TPTE: variants seen among roughly 807,000 people sequenced by gnomAD.
The protein encoded by TPTE is putative tyrosine-protein phosphatase TPTE.
A neutral mutation model predicts 84.1 loss-of-function variants in TPTE; 59 were observed. The ratio of observed to expected loss-of-function variants is 0.70; its 90% CI spans 0.57 to 0.87. The LOEUF is 0.87. Among genes scored for constraint, TPTE ranks in the 40% least tolerant of loss-of-function variants. The probability of loss-of-function intolerance (pLI) is 0.00; values close to 1 mark genes in which losing one functional copy is unlikely to be tolerated. For synonymous variants in TPTE, 130 were observed against 223.5 expected (o/e 0.58, Z 3.73); for missense variants, 382 against 659.6 (o/e 0.58, Z 4.61).
intron 22 of TPTE, 137 bp from the exon 23 acceptor site, chr21:10,603,425 A>C: frequency 1.1e-6 from 1 of 874,734 alleles, no homozygotes; most frequent in Non-Finnish European, 1.7e-6. Flanking sequence ...GTATTGTTAT[A>C]GATTGCAGAG....
chr21:10,559,705 C>T (rs1425421834), intron 9 of TPTE, among the ~76,000 whole-genome samples, 161 bp downstream of exon 9: 1 of 152,284 alleles, frequency 6.6e-6, no homozygotes, highest in Non-Finnish European at 1.5e-5. Flanking sequence ...GAAACCCCAT[C>T]TCTACTAAAA....
At chr21:10,536,619 G>C (rs1464683235) in intron 3 of TPTE, among the ~76,000 whole-genome samples, 2 of 151,192 alleles carry the variant, frequency 1.3e-5, no homozygotes, top group African/African-American at 4.9e-5. Flanking sequence ...AATCGACAGA[G>C]AGAAAGATGA....
intron 17 of TPTE, among the ~76,000 whole-genome samples, chr21:10,586,263 A>G (rs1478050336): frequency 6.6e-6 from 1 of 150,472 alleles, no homozygotes; most frequent in South Asian, 2.1e-4. Context: ...TAGTGTTTTT[A>G]TTTTACTCAG....
At chr21:10,524,041 C>T (rs1174197732) in intron 1 of TPTE, among the ~76,000 whole-genome samples, 1 of 152,306 alleles carries the variant, frequency 6.6e-6, no homozygotes, top group Admixed American at 6.5e-5. Flanking sequence ...CAAGCTCGTT[C>T]TATTCCCCAT....
intron 18 of TPTE, among the ~76,000 whole-genome samples, chr21:10,591,581 G>T (rs1466665016): frequency 6.6e-6 from 1 of 152,310 alleles, no homozygotes; most frequent in Non-Finnish European, 1.5e-5. Flanking sequence ...AATGTGGATT[G>T]CAACTTAAAA....
chr21:10,525,254 C>T (rs1409362910), intron 2 of TPTE, among the ~76,000 whole-genome samples: 4 of 152,428 alleles, frequency 2.6e-5, no homozygotes, highest in African/African-American at 2.4e-5. Flanking sequence ...AATTATATGA[C>T]ATTTTAAGAT....
At chr21:10,542,665 A>T (rs2074392568) in intron 6 of TPTE, among the ~76,000 whole-genome samples, 1 of 152,310 alleles carries the variant, frequency 6.6e-6, no homozygotes. Flanking sequence ...CATGCACATG[A>T]TGGAAACATA....
At chr21:10,534,027 G>A (rs2074226068) in intron 3 of TPTE, among the ~76,000 whole-genome samples, 1 of 152,310 alleles carries the variant, frequency 6.6e-6, no homozygotes, top group Non-Finnish European at 1.5e-5. Context: ...ATTGACTGAA[G>A]CTCAGCTGCT....
chr21:10,547,946 C>T (rs1275183401), intron 7 of TPTE, among the ~76,000 whole-genome samples: 5 of 152,312 alleles, frequency 3.3e-5, no homozygotes, highest in Admixed American at 2.6e-4. Flanking sequence ...CTCTGAGCAG[C>T]TGATACACCC....
intron 3 of TPTE, among the ~76,000 whole-genome samples, chr21:10,533,853 G>T (rs1473134202): frequency 6.6e-6 from 1 of 152,312 alleles, no homozygotes; most frequent in East Asian, 1.9e-4. Context: ...TTCGTGAGTT[G>T]GGAAGCTTTT....
Position 10,605,688 on chromosome 21 carries a change from A to T in TPTE, c.*136A>T, listed in dbSNP as rs1979228472. On this transcript the variant is annotated 3_prime_UTR_variant, in exon 24 of 24. Transcript: ENST00000618007. ...TTATATATGTTTATATATGTTCTTC[A>T]TAAATCTATTACATATATATAGATA... 5 of 1,437,214 alleles carry T rather than the reference A, an allele frequency of 3.5e-6. No individual in the cohort carries two copies. The highest frequency in any genetic ancestry group is 4.6e-6 in the Non-Finnish European group (5 of 1,079,170). 89.0% of individuals were successfully genotyped at this position (1,437,214 alleles called of 1,614,324 possible). A position where few individuals can be genotyped will look rare whatever the true frequency, so the allele number is the denominator to read the frequency against.
chr21:10,599,400 G>A (rs2338975), intron 21 of TPTE, among the ~76,000 whole-genome samples: 586 of 150,680 alleles, frequency 3.9e-3, no homozygotes, highest in Non-Finnish European at 5.8e-3. Context: ...CTGAAATATT[G>A]CTCTCGTTGT....
At chr21:10,528,523 T>A (rs1168030326) in intron 3 of TPTE, among the ~76,000 whole-genome samples, 1 of 152,308 alleles carries the variant, frequency 6.6e-6, no homozygotes, top group Non-Finnish European at 1.5e-5. Context: ...CACCGCTCCA[T>A]GTGGCAAATC....
At chr21:10,547,813 A>T (rs1439507872) in intron 7 of TPTE, among the ~76,000 whole-genome samples, 2 of 152,306 alleles carry the variant, frequency 1.3e-5, no homozygotes, top group Non-Finnish European at 2.9e-5. Context: ...AGAGCAGGGA[A>T]ATCAACCCCC....
intron 17 of TPTE, among the ~76,000 whole-genome samples, chr21:10,585,161 C>T (rs1249180254): frequency 2.0e-5 from 3 of 152,218 alleles, no homozygotes; most frequent in African/African-American, 7.2e-5. Flanking sequence ...AACCAGGAGG[C>T]AGAGGTTCCA....
At chr21:10,598,398 T>C (rs371458586) in intron 21 of TPTE, among the ~76,000 whole-genome samples, 1 of 152,298 alleles carries the variant, frequency 6.6e-6, no homozygotes, top group African/African-American at 2.4e-5. Context: ...TTAATTTACA[T>C]TATCTGGTCA....
chr21:10,530,070 T>G (rs1207896367), intron 3 of TPTE, among the ~76,000 whole-genome samples: 1 of 152,310 alleles, frequency 6.6e-6, no homozygotes, highest in African/African-American at 2.4e-5. Context: ...TTATTTATTT[T>G]GATCTTTAAA....
intron 9 of TPTE, among the ~76,000 whole-genome samples, chr21:10,559,872 T>TAAAAAAAAAAAAAAA (rs61583687): frequency 6.0e-5 from 7 of 117,050 alleles, no homozygotes; most frequent in Admixed American, 9.5e-5. Flanking sequence ...AGACTCCATG[T>TAAAAAAAAAAAAAAA]AAAAAAAAAA....
At chr21:10,554,599 A>T (rs200069159) in intron 8 of TPTE, among the ~76,000 whole-genome samples, 1 of 152,312 alleles carries the variant, frequency 6.6e-6, no homozygotes, top group East Asian at 1.9e-4. Flanking sequence ...AATATAAGCA[A>T]TTTCTCCCAG....
Sources: gnomAD v4.1 joint callset for allele counts (sites outside exome capture counted in the v4.1 genomes callset) on GRCh38, gnomAD v4.1.1 for gene constraint, MANE v1.5 for transcripts, NCBI Gene and HGNC (gene_info 2026-07-23, HGNC 2026-07-21) for gene names.